PTH1R: variants seen among roughly 807,000 people sequenced by gnomAD.
The protein encoded by PTH1R is parathyroid hormone/parathyroid hormone-related peptide receptor.
A neutral mutation model predicts 70.7 loss-of-function variants in PTH1R; 32 were observed. The ratio of observed to expected loss-of-function variants is 0.45; its 90% CI spans 0.34 to 0.61. PTH1R has a LOEUF of 0.61. PTH1R is among the 20% of genes least tolerant of loss of function. The pLI, the probability that PTH1R is intolerant of heterozygous loss-of-function variation, is 0.01. For synonymous variants in PTH1R, 329 were observed against 324.8 expected (o/e 1.01, Z -0.14); for missense variants, 626 against 792.5 (o/e 0.79, Z 2.52).
intron 5 of PTH1R, 51 bp downstream of exon 5, chr3:46,895,920 C>T (rs966415129): frequency 6.3e-7 from 1 of 1,590,324 alleles, no homozygotes; most frequent in African/African-American, 1.3e-5. Context: ...GATCCACCCA[C>T]CCCCATTGCA....
chr3:46,897,310 G>A (rs900122788), intron 5 of PTH1R, among the ~76,000 whole-genome samples: 1 of 152,252 alleles, frequency 6.6e-6, no homozygotes, highest in African/African-American at 2.4e-5. Flanking sequence ...GCCAGTGCCA[G>A]TACCTGTATC....
In PTH1R at chr3:46,893,527, G is replaced by A. The variant is rs373135485; in HGVS notation, c.76-380G>A. Among the ~76,000 whole-genome samples the A allele has an allele frequency of 5.9e-5, 9 of 152,130 alleles. No individual in the cohort carries two copies. In the South Asian group the frequency reaches 1.2e-3, roughly 21 times the overall value. ...CACTCCTTATCCACCCCCTGCCCCC[G>A]ACTCATGTCCCCAGCAGGCAGCCAG... On this transcript the variant is annotated intron_variant, in intron 3 of 15. Transcript: ENST00000449590. The surrounding 1 kb of genome is among the most constrained non-coding windows in gnomAD (Gnocchi z 5.2).
In PTH1R at chr3:46,895,042, C is replaced by T. The variant is rs535344973; in HGVS notation, c.179-693C>T. On this transcript the variant is annotated intron_variant, in intron 4 of 15. Transcript: ENST00000449590. ...TCATGTCACTGCACTCCAGGCTGGG[C>T]GATAGAGGGAGACCTTGTCTCAAAA... Among the ~76,000 whole-genome samples the T allele has an allele frequency of 1.3e-4, 18 of 133,728 alleles. No individual in the cohort carries two copies. The South Asian group carries it at 4.0e-3, about 30-fold the overall frequency. 87.7% of individuals were successfully genotyped at this position (133,728 alleles called of 152,430 possible).
chr3:46,887,595 T>C (rs2031118287), intron 3 of PTH1R, among the ~76,000 whole-genome samples: 1 of 152,160 alleles, frequency 6.6e-6, no homozygotes, highest in Admixed American at 6.5e-5. Flanking sequence ...TTCTCCTTCC[T>C]CTTTCTGTGT....
At chr3:46,889,098 T>G (rs560404506) in intron 3 of PTH1R, among the ~76,000 whole-genome samples, 1 of 152,306 alleles carries the variant, frequency 6.6e-6, no homozygotes, top group East Asian at 1.9e-4. Context: ...GGTGCCAGCA[T>G]GGGTCCCAGT....
intron 3 of PTH1R, among the ~76,000 whole-genome samples, chr3:46,889,366 G>A (rs1241826293): frequency 6.6e-6 from 1 of 152,196 alleles, no homozygotes; most frequent in Non-Finnish European, 1.5e-5. Flanking sequence ...AGGGAGACTT[G>A]CTTAATGTAG....
At position 46,893,990 on chromosome 3, in the gene PTH1R, G is replaced by A. The variant is rs757223263; in HGVS notation, c.159G>A (p.Lys53=). 1 of 1,614,152 alleles carries A rather than the reference G, an allele frequency of 6.2e-7. No individual in the cohort carries two copies. Among genetic ancestry groups the A allele is most frequent in the South Asian group, 1.1e-5 (1 of 91,070 alleles). The stretch of plus-strand genomic sequence containing the variant: ...AGGCCCAGTGCGAAAAACGGCTCAA[G>A]GAGGTCCTGCAGAGGCCAGGTGGGG... The part of the protein sequence containing the change: ...RAQAQCEKRL[K]EVLQRPASIM... The change falls in exon 4 of 16, where the codon AAG becomes AAA. Residue 53 remains lysine, a synonymous_variant. Coordinates refer to ENST00000449590, the MANE Select transcript of PTH1R (RefSeq NM_000316.3). The surrounding 1 kb of genome is among the most constrained non-coding windows in gnomAD (Gnocchi z 5.2).
Position 46,898,422 on chromosome 3 carries a change from C to G in PTH1R, c.588C>G (p.Ser196=). The G allele has an allele frequency of 1.9e-6, 3 of 1,614,004 alleles. No homozygotes were observed. The South Asian group carries it at 3.3e-5, about 18-fold the overall frequency. Residue 196 remains serine (S), a synonymous_variant, in exon 8 of 16, where the codon TCC becomes TCG. Transcript: ENST00000449590. The stretch of plus-strand genomic sequence containing the variant: ...GCATGATTTACACCGTGGGCTACTC[C>G]GTGTCCCTGGCGTCCCTCACCGTAG... ...RLGMIYTVGY[S]VSLASLTVAV...
At position 46,882,121 on chromosome 3, in the gene PTH1R, C is replaced by CG. The variant is rs968218785; in HGVS notation, c.-49+1007dup. The CG allele has an allele frequency of 2.7e-5, 4 of 149,958 alleles. No homozygotes were observed. Among genetic ancestry groups the CG allele is most frequent in the African/African-American group, 9.8e-5 (4 of 40,986 alleles). The allele number at this position is 149,958 out of a possible 1,614,324, so 9.3% of individuals were successfully genotyped here. On this transcript the variant is annotated intron_variant, in intron 2 of 15. Transcript: ENST00000449590. This position sits in a 1 kb window ranked among gnomAD's most constrained non-coding sequence, Gnocchi z 4.3. The stretch of plus-strand genomic sequence containing the variant: ...GGCCTCGGCCTCTAGCGCAATGTCC[C>CG]GGGGCGGGGGGCGGAAGGCTCCTCT...
Position 46,903,194 on chromosome 3 carries a change from G to T in PTH1R, c.1396-76G>T, listed in dbSNP as rs2032232060. The T allele has an allele frequency of 2.5e-6, 4 of 1,588,850 alleles. No individual in the cohort carries two copies. Among genetic ancestry groups the T allele is most frequent in the Non-Finnish European group, 3.4e-6 (4 of 1,169,618 alleles). On this transcript the variant is annotated intron_variant, in intron 15 of 15. Transcript: ENST00000449590. The surrounding 1 kb of genome is among the most constrained non-coding windows in gnomAD (Gnocchi z 4.4). ...CCTATTCCCATTTTCATTCCGTGCT[G>T]GGTGTCCAGGGGCCGGGATGGGGCA...
chr3:46,901,874 G>A lies in PTH1R; in HGVS notation c.1211+14G>A, dbSNP rs762391808. On this transcript the variant is annotated intron_variant, in intron 13 of 15. Coordinates refer to ENST00000449590, the MANE Select transcript of PTH1R (RefSeq NM_000316.3). This position sits in a 1 kb window ranked among gnomAD's most constrained non-coding sequence, Gnocchi z 7.3. ...GCAGCAGTACCGGTGAGCCCACCAT[G>A]CCTGCCATGCCCTGGCTCCTCAGGG... The A allele has an allele frequency of 1.2e-6, 2 of 1,607,054 alleles. No homozygotes were observed. Among genetic ancestry groups the A allele is most frequent in the Non-Finnish European group, 8.5e-7 (1 of 1,173,940 alleles).
chr3:46,894,128 G>A (rs1051115691), intron 4 of PTH1R, 119 bp downstream of exon 4: 1 of 1,069,008 alleles, frequency 9.4e-7, no homozygotes. Flanking sequence ...CTTAGGTAAA[G>A]GGGGCCAGGC....
chr3:46,893,443 C>T lies in PTH1R; in HGVS notation c.76-464C>T, dbSNP rs369887132. 2.0e-5 allele frequency among the ~76,000 whole-genome samples: 3 copies of T among 152,116 alleles called. No individual in the cohort carries two copies. The highest frequency in any genetic ancestry group is 1.9e-4 in the East Asian group (1 of 5,192). ...AGATGGAAACTGGTGACTCCCAAGA[C>T]CCCCCAGGGTGCCAGGACTTGAAGG... is the stretch of plus-strand genomic sequence containing the variant. On this transcript the variant is annotated intron_variant, in intron 3 of 15. Transcript: ENST00000449590. This position sits in a 1 kb window ranked among gnomAD's most constrained non-coding sequence, Gnocchi z 5.2.
rs201576425 is a variant in PTH1R, at chr3:46,897,895, G to C, written c.354G>C (p.Trp118Cys). The C allele has an allele frequency of 1.9e-6, 3 of 1,613,766 alleles. No individual in the cohort carries two copies. The highest frequency in any genetic ancestry group is 2.5e-6 in the Non-Finnish European group (3 of 1,180,052). ...CLPEWDHILC[W>C]PLGAPGEVVA... The stretch of plus-strand genomic sequence containing the variant: ...CGGAATGGGACCACATCCTGTGCTG[G>C]CCGCTGGGGGCACCAGGTGAGGTGG... Residue 118 changes from tryptophan (W) to cysteine (C), a missense_variant, in exon 6 of 16, where the codon TGG (tryptophan) becomes TGC (cysteine). Coordinates refer to ENST00000449590, the MANE Select transcript of PTH1R (RefSeq NM_000316.3).
intron 4 of PTH1R, 151 bp from the exon 5 acceptor site, chr3:46,895,584 C>T (rs1407964024): frequency 1.7e-6 from 2 of 1,143,642 alleles, no homozygotes; most frequent in African/African-American, 3.1e-5. Context: ...ACCTCCTCAC[C>T]CATCGTCTCA....
chr3:46,895,690 T>C, intron 4 of PTH1R, 45 bp from the exon 5 acceptor site: 1 of 1,613,640 alleles, frequency 6.2e-7, no homozygotes, highest in Non-Finnish European at 8.5e-7. Flanking sequence ...GGGTCTCCTG[T>C]TGTAGCACAG....
intron 10 of PTH1R, among the ~76,000 whole-genome samples, chr3:46,900,100 C>G (rs1021237249): frequency 2.6e-5 from 4 of 152,238 alleles, no homozygotes; most frequent in Admixed American, 2.6e-4. Flanking sequence ...ACTGGCCAGA[C>G]TGCAGAGGGG....
intron 3 of PTH1R, among the ~76,000 whole-genome samples, chr3:46,889,210 C>G (rs183664056): frequency 1.6e-4 from 24 of 152,324 alleles, no homozygotes; most frequent in Admixed American, 9.1e-4. Flanking sequence ...GCATCAACGG[C>G]CTGGTTCCCA....
intron 10 of PTH1R, among the ~76,000 whole-genome samples, chr3:46,900,533 C>A (rs778557321): frequency 1.3e-5 from 2 of 152,056 alleles, no homozygotes; most frequent in Non-Finnish European, 2.9e-5. Context: ...ACTGACACAC[C>A]GAGGTCTCCC....
Sources: gnomAD v4.1 joint callset for allele counts (sites outside exome capture counted in the v4.1 genomes callset) on GRCh38, gnomAD v4.1.1 for gene constraint, Gnocchi (gnomAD v3.1) non-coding constraint, MANE v1.5 for transcripts, NCBI Gene and HGNC (gene_info 2026-07-23, HGNC 2026-07-21) for gene names.